MKLN1: variants seen among roughly 807,000 people sequenced by gnomAD.
The protein encoded by MKLN1 is muskelin 1.
In MKLN1, 18 loss-of-function variants were observed where a neutral mutation model predicts 99.0. The observed-to-expected ratio is 0.18, with a 90% CI of 0.13 to 0.27. The LOEUF is 0.27. Among genes scored for constraint, MKLN1 ranks in the 10% least tolerant of loss-of-function variants. The pLI is 1.00. For missense variants in MKLN1, 621 were observed against 875.9 expected, an observed-to-expected ratio of 0.71 and a Z score of 3.67; for synonymous variants, 288 against 293.2, an observed-to-expected ratio of 0.98 and a Z score of 0.18.
chr7:131,165,075 A>T (rs910147950), intron 2 of MKLN1, among the ~76,000 whole-genome samples: 2 of 152,176 alleles, frequency 1.3e-5, no homozygotes, highest in Non-Finnish European at 2.9e-5. Flanking sequence ...ACATCATTCC[A>T]GCCAGGGAGA....
chr7:131,294,386 T>C (rs1443098837), intron 3 of MKLN1, among the ~76,000 whole-genome samples: 2 of 152,092 alleles, frequency 1.3e-5, no homozygotes, highest in African/African-American at 4.8e-5. Context: ...GTGAAAAAAG[T>C]GTTAATAATT....
At chr7:131,141,724 T>G (rs1490220919) in intron 1 of MKLN1, among the ~76,000 whole-genome samples, 1 of 152,172 alleles carries the variant, frequency 6.6e-6, no homozygotes, top group Non-Finnish European at 1.5e-5. Context: ...AGTCACTAAC[T>G]TCCAATTTTC....
chr7:131,290,928 C>T (rs893153225), intron 3 of MKLN1, among the ~76,000 whole-genome samples: 1 of 152,060 alleles, frequency 6.6e-6, no homozygotes, highest in Non-Finnish European at 1.5e-5. Context: ...GAAGTAATAA[C>T]ACTGACTCTA....
At chr7:131,296,250 A>G (rs1176276398) in intron 3 of MKLN1, among the ~76,000 whole-genome samples, 2 of 152,242 alleles carry the variant, frequency 1.3e-5, no homozygotes, top group Non-Finnish European at 2.9e-5. Context: ...GAAATGATTT[A>G]AAGTTCATCA....
At chr7:131,434,212 A>G (rs1299894709) in intron 9 of MKLN1, among the ~76,000 whole-genome samples, 1 of 152,028 alleles carries the variant, frequency 6.6e-6, no homozygotes, top group Non-Finnish European at 1.5e-5. Context: ...ATGATATTGA[A>G]TCTTTCTACA....
chr7:131,487,010 T>C lies in MKLN1; in HGVS notation c.2087-597T>C, dbSNP rs1448147558. On this transcript the variant is annotated intron_variant, in intron 17 of 17. Coordinates refer to ENST00000352689, the MANE Select transcript of MKLN1 (RefSeq NM_013255.5). This position sits in a 1 kb window ranked among gnomAD's most constrained non-coding sequence, Gnocchi z 4.7. ...ATAGTAGCATAAAGGTATAGTGTTA[T>C]GTGCAGATACCATTCTGCATATTGT... 1.3e-5 allele frequency among the ~76,000 whole-genome samples: 2 copies of C among 152,156 alleles called. No homozygotes were observed. Among genetic ancestry groups the C allele is most frequent in the East Asian group, 3.8e-4 (2 of 5,196 alleles).
intron 1 of MKLN1, among the ~76,000 whole-genome samples, chr7:131,340,084 A>G (rs1441782723): frequency 6.6e-6 from 1 of 152,022 alleles, no homozygotes; most frequent in Non-Finnish European, 1.5e-5. Flanking sequence ...CTTTTGATTA[A>G]GAAGTTCCAT....
intron 2 of MKLN1, among the ~76,000 whole-genome samples, chr7:131,171,750 G>C (rs150588967): frequency 1.7e-4 from 26 of 152,134 alleles, no homozygotes; most frequent in Non-Finnish European, 1.3e-4. Flanking sequence ...GAGCCACCTC[G>C]CCTAGCCTGT....
intron 3 of MKLN1, among the ~76,000 whole-genome samples, chr7:131,236,975 C>T (rs1003912962): frequency 2.6e-5 from 4 of 152,010 alleles, no homozygotes; most frequent in African/African-American, 4.8e-5. Flanking sequence ...GGTGACAGAG[C>T]GAGACTCTGT....
intron 2 of MKLN1, among the ~76,000 whole-genome samples, chr7:131,194,317 A>G (rs551539451): frequency 1.1e-4 from 17 of 151,976 alleles, no homozygotes; most frequent in African/African-American, 3.9e-4. Context: ...GCAACCACCA[A>G]TCTACTTTCT....
intron 3 of MKLN1, among the ~76,000 whole-genome samples, chr7:131,238,111 C>A (rs1037135720): frequency 2.6e-5 from 4 of 152,054 alleles, no homozygotes; most frequent in Non-Finnish European, 4.4e-5. Flanking sequence ...CATGCCACTG[C>A]ACTCCAGCCT....
intron 12 of MKLN1, among the ~76,000 whole-genome samples, chr7:131,452,463 C>T (rs990106261): frequency 2.0e-5 from 3 of 151,368 alleles, no homozygotes; most frequent in African/African-American, 7.3e-5. Context: ...CATTTTGGCC[C>T]TGGGAATGTG....
chr7:131,138,819 A>G (rs79453361), intron 1 of MKLN1, among the ~76,000 whole-genome samples: 6,339 of 152,312 alleles, frequency 0.042, 196 homozygotes, highest in African/African-American at 0.088. Flanking sequence ...TCTCTGTGCT[A>G]TAATCAAAAA....
At chr7:131,235,849 C>T (rs748587160) in intron 3 of MKLN1, among the ~76,000 whole-genome samples, 5 of 152,156 alleles carry the variant, frequency 3.3e-5, no homozygotes, top group East Asian at 1.9e-4. Context: ...AATTCTATGA[C>T]GTCCATTGCA....
intron 1 of MKLN1, among the ~76,000 whole-genome samples, chr7:131,349,483 C>T (rs976258918): frequency 5.9e-5 from 9 of 152,194 alleles, no homozygotes; most frequent in Admixed American, 1.3e-4. Context: ...CATGAGCCGC[C>T]GCACCCGGCC....
At chr7:131,416,806 A>AC (rs769871395) in intron 8 of MKLN1, among the ~76,000 whole-genome samples, 1 of 151,170 alleles carries the variant, frequency 6.6e-6, no homozygotes, top group Non-Finnish European at 1.5e-5. Flanking sequence ...GCATAGTGAG[A>AC]CCCCCATCTC....
At chr7:131,173,873 C>T (rs886980420) in intron 2 of MKLN1, among the ~76,000 whole-genome samples, 1 of 151,924 alleles carries the variant, frequency 6.6e-6, no homozygotes, top group Non-Finnish European at 1.5e-5. Context: ...ACATAGTCTT[C>T]ATTTACTACA....
chr7:131,279,581 G>A (rs748525033), intron 3 of MKLN1, among the ~76,000 whole-genome samples: 1 of 152,176 alleles, frequency 6.6e-6, no homozygotes, highest in Non-Finnish European at 1.5e-5. Flanking sequence ...GCTGAGTCAG[G>A]AGGATCACTT....
chr7:131,408,379 A>G (rs1465363468), intron 6 of MKLN1, among the ~76,000 whole-genome samples: 1 of 152,196 alleles, frequency 6.6e-6, no homozygotes, highest in Non-Finnish European at 1.5e-5. Context: ...TTTATGCTCT[A>G]TAAGTTATTT....
Sources: gnomAD v4.1 joint callset for allele counts (sites outside exome capture counted in the v4.1 genomes callset) on GRCh38, gnomAD v4.1.1 for gene constraint, Gnocchi (gnomAD v3.1) non-coding constraint, MANE v1.5 for transcripts, NCBI Gene and HGNC (gene_info 2026-07-23, HGNC 2026-07-21) for gene names.